The following SLC36A4 variants were observed in gnomAD, a reference collection of about 807,000 sequenced individuals.
SLC36A4 encodes the protein neutral amino acid uniporter 4.
A neutral mutation model predicts 50.5 loss-of-function variants in SLC36A4; 49 were observed. That is an observed-to-expected ratio of 0.97 (90% CI 0.77 to 1.23). The LOEUF is 1.23. Among genes scored for constraint, SLC36A4 ranks in the 50% most tolerant of loss-of-function variants. SLC36A4 has a pLI of 0.00. For synonymous variants in SLC36A4, 207 were observed against 206.5 expected (o/e 1.00, Z -0.02); for missense variants, 611 against 608.4 (o/e 1.00, Z -0.05).
At chr11:93,185,606 T>C in intron 2 of SLC36A4, 85 bp downstream of exon 2, 1 of 1,255,316 alleles carries the variant, frequency 8.0e-7, no homozygotes, top group Non-Finnish European at 1.1e-6. Context: ...TCTTGTAATG[T>C]AATAGAATGT....
chr11:93,180,809 T>TTCAGC lies in SLC36A4; in HGVS notation c.523_527dup (p.Asn177LeufsTer4), dbSNP rs1861699792. The TTCAGC allele has an allele frequency of 1.9e-6, 3 of 1,611,808 alleles. No individual in the cohort carries two copies. The highest frequency in any genetic ancestry group is 1.7e-4 in the Middle Eastern group (1 of 6,022). Reference sequence around the variant, plus strand: ...GAAAAATACTCACTTGTTTCACATTTTCAGCTAAGAAGACAATATAAACAC... The same window carrying TTCAGC: ...GAAAAATACTCACTTGTTTCACATTTTCAGCTCAGCTAAGAAGACAATATAAACAC... On this transcript the variant is annotated frameshift_variant, in exon 6 of 11. Transcript: ENST00000326402. LOFTEE classifies it high-confidence loss of function.
intron 1 of SLC36A4, among the ~76,000 whole-genome samples, chr11:93,189,700 T>C (rs1028323690): frequency 2.0e-5 from 3 of 152,198 alleles, no homozygotes; most frequent in Admixed American, 6.5e-5. Context: ...TCAATAAAGA[T>C]AGTTATCACT....
intron 8 of SLC36A4, among the ~76,000 whole-genome samples, chr11:93,165,543 G>A (rs1860821455): frequency 6.6e-6 from 1 of 152,046 alleles, no homozygotes; most frequent in South Asian, 2.1e-4. Flanking sequence ...GTGGGATATA[G>A]ATTTTTTTTA....
rs1860547734 is a variant in SLC36A4 at position 93,160,009 on chromosome 11, G to C, written c.1037+2697C>G. ...CACTGCACAATCTCTAACTTTCGAGGCCTCTTGTGTGAAGCACAGGAAAGA... is the reference window on the plus strand; with the variant it reads ...CACTGCACAATCTCTAACTTTCGAGCCCTCTTGTGTGAAGCACAGGAAAGA... On this transcript the variant is annotated intron_variant, in intron 9 of 10. Coordinates refer to ENST00000326402, the MANE Select transcript of SLC36A4 (RefSeq NM_152313.4). 3 of 985,218 alleles carry C rather than the reference G, an allele frequency of 3.0e-6. No individual in the cohort carries two copies. In the Admixed American group the frequency reaches 1.8e-4, roughly 61 times the overall value. 61.0% of individuals were successfully genotyped at this position (985,218 alleles called of 1,614,324 possible). A position where few individuals can be genotyped will look rare whatever the true frequency, so the allele number is the denominator to read the frequency against.
At chr11:93,163,955 T>C (rs367596882) in intron 8 of SLC36A4, among the ~76,000 whole-genome samples, 4 of 152,220 alleles carry the variant, frequency 2.6e-5, no homozygotes, top group African/African-American at 9.6e-5. Context: ...TCCATTCTTT[T>C]GTTTCTTGAA....
At chr11:93,148,949 T>A in intron 10 of SLC36A4, 105 bp from the exon 11 acceptor site, 1 of 1,120,262 alleles carries the variant, frequency 8.9e-7, no homozygotes, top group African/African-American at 1.6e-5. Context: ...TAGAAATAAT[T>A]AATGAAAGTT....
chr11:93,174,132 G>C (rs1166374688), intron 6 of SLC36A4, among the ~76,000 whole-genome samples: 1 of 150,240 alleles, frequency 6.7e-6, no homozygotes, highest in African/African-American at 2.4e-5. Context: ...TTGAGCAGTG[G>C]TTTGTAGTTC....
chr11:93,177,157 TA>T (rs1172974029), intron 6 of SLC36A4, among the ~76,000 whole-genome samples: 1 of 152,216 alleles, frequency 6.6e-6, no homozygotes, highest in Non-Finnish European at 1.5e-5. Context: ...CGTTTCTTTT[TA>T]TTCTTTTTTC....
intron 1 of SLC36A4, among the ~76,000 whole-genome samples, chr11:93,192,083 A>G (rs896593457): frequency 1.3e-5 from 2 of 152,328 alleles, no homozygotes; most frequent in Non-Finnish European, 2.9e-5. Flanking sequence ...AATTTTAGTG[A>G]AGGAAAGAGA....
In SLC36A4 at chr11:93,180,404, A is replaced by G. The variant is rs962710628; in HGVS notation, c.540+393T>C. On this transcript the variant is annotated intron_variant, in intron 6 of 10. Transcript: ENST00000326402. ...ATGGCTATAATTACCAGATTTTAAT[A>G]ATGAATGCTCACTATTTTTACTTGA... is the stretch of plus-strand genomic sequence containing the variant. The G allele has an allele frequency of 8.8e-6, 7 of 795,754 alleles. No individual in the cohort carries two copies. In the African/African-American group the frequency reaches 1.1e-4, roughly 13 times the overall value. 49.3% of individuals were successfully genotyped at this position (795,754 alleles called of 1,614,324 possible). A position where few individuals can be genotyped will look rare whatever the true frequency, so the allele number is the denominator to read the frequency against.
intron 9 of SLC36A4, among the ~76,000 whole-genome samples, chr11:93,156,992 C>CT (rs1184431569): frequency 6.6e-6 from 1 of 152,146 alleles, no homozygotes; most frequent in Non-Finnish European, 1.5e-5. Context: ...ACATTTAAGC[C>CT]TTTACTCCAT....
chr11:93,176,815 T>C (rs1861497271), intron 6 of SLC36A4, among the ~76,000 whole-genome samples: 1 of 152,238 alleles, frequency 6.6e-6, no homozygotes, highest in Non-Finnish European at 1.5e-5. Context: ...TGCCGAGAGA[T>C]CCACTGTTAA....
At chr11:93,178,483 G>A (rs897904418) in intron 6 of SLC36A4, among the ~76,000 whole-genome samples, 1 of 152,160 alleles carries the variant, frequency 6.6e-6, no homozygotes, top group African/African-American at 2.4e-5. Context: ...GCTCAAGCTT[G>A]GAGCTGTAGA....
intron 6 of SLC36A4, among the ~76,000 whole-genome samples, chr11:93,176,790 G>A (rs1281413804): frequency 1.3e-5 from 2 of 152,128 alleles, no homozygotes; most frequent in African/African-American, 2.4e-5. Flanking sequence ...ACTCTCTTCT[G>A]GCTTGTGGAG....
intron 6 of SLC36A4, among the ~76,000 whole-genome samples, chr11:93,177,369 T>C (rs1366577843): frequency 6.6e-6 from 1 of 152,200 alleles, no homozygotes; most frequent in East Asian, 1.9e-4. Context: ...TTCAAGGTTT[T>C]TAGCTTCTCT....
chr11:93,149,057 C>G (rs1859959963), intron 10 of SLC36A4, among the ~76,000 whole-genome samples: 1 of 152,016 alleles, frequency 6.6e-6, no homozygotes, highest in Non-Finnish European at 1.5e-5. Context: ...ATGTCCTAGA[C>G]TTACACTTGT....
rs1398556677 is a variant in SLC36A4 at position 93,155,812 on chromosome 11, T to TA, written c.1038-1536dup. Among the ~76,000 whole-genome samples, 4 of 152,248 alleles carry TA rather than the reference T, an allele frequency of 2.6e-5. No homozygotes were observed. In the South Asian group the frequency reaches 6.2e-4, roughly 24 times the overall value. On this transcript the variant is annotated intron_variant, in intron 9 of 10. Coordinates refer to ENST00000326402, the MANE Select transcript of SLC36A4 (RefSeq NM_152313.4). ...TCATCATTTAGCTCCCACTTATAAG[T>TA]AAGAATATGTGGTATTTGGTTTTCT...
At chr11:93,184,573 A>C (rs1381572032) in intron 2 of SLC36A4, 53 bp from the exon 3 acceptor site, 1 of 1,084,630 alleles carries the variant, frequency 9.2e-7, no homozygotes, top group Non-Finnish European at 1.4e-6. Flanking sequence ...ATCTATTATA[A>C]CATGATCATG....
At chr11:93,167,201 T>C (rs778684584) in intron 7 of SLC36A4, 1 of 152,130 alleles carries the variant, frequency 6.6e-6, no homozygotes, top group Non-Finnish European at 1.5e-5. Flanking sequence ...AAATTGCTAA[T>C]GAAGATTTTA....
Sources: gnomAD v4.1 joint callset for allele counts (sites outside exome capture counted in the v4.1 genomes callset) on GRCh38, gnomAD v4.1.1 for gene constraint, MANE v1.5 for transcripts, NCBI Gene and HGNC (gene_info 2026-07-23, HGNC 2026-07-21) for gene names.